The following LSM12 variants were observed in gnomAD, a reference collection of about 807,000 sequenced individuals.
LSM12 encodes protein LSM12.
For missense variants in LSM12, 108 were observed against 238.9 expected (o/e 0.45, Z 3.61); for synonymous variants, 74 against 87.3 (o/e 0.85, Z 0.85).
intron 2 of LSM12, among the ~76,000 whole-genome samples, chr17:44,046,709 CAAAA>C (rs542504532): frequency 2.3e-5 from 1 of 42,690 alleles, no homozygotes; most frequent in Non-Finnish European, 4.4e-5. Context: ...GACTCCGTCT[CAAAA>C]AAAAAAAAAA....
chr17:44,063,170 G>A lies in LSM12; in HGVS notation c.258+631C>T, dbSNP rs183975528. Among the ~76,000 whole-genome samples the A allele has an allele frequency of 2.3e-3, 351 of 152,154 alleles. 1 individual carries two copies. Among genetic ancestry groups the A allele is most frequent in the Non-Finnish European group, 3.1e-3 (208 of 67,986 alleles). On this transcript the variant is annotated intron_variant, in intron 2 of 4. Coordinates refer to ENST00000293406, the MANE Select transcript of LSM12 (RefSeq NM_001371445.1). ...AGCTACTCAGAAGGCCGAGGCAGGAGGGTCACTTGAGCCCAGGCGTTCAAG... is the reference window on the plus strand; with the variant it reads ...AGCTACTCAGAAGGCCGAGGCAGGAAGGTCACTTGAGCCCAGGCGTTCAAG...
chr17:44,054,274 T>C (rs1020993797), intron 2 of LSM12, among the ~76,000 whole-genome samples: 2 of 152,160 alleles, frequency 1.3e-5, no homozygotes, highest in Non-Finnish European at 2.9e-5. Context: ...ACCCCAAAGA[T>C]TGAATGCCAC....
intron 4 of LSM12, 46 bp from the exon 5 acceptor site, chr17:44,036,346 A>G (rs1276689959): frequency 3.1e-6 from 5 of 1,612,090 alleles, no homozygotes; most frequent in Non-Finnish European, 3.4e-6. Flanking sequence ...GATGCGGAAG[A>G]AAGGTCTCCC....
At chr17:44,067,255 G>A (rs1360421583), upstream of LSM12, among the ~76,000 whole-genome samples, 1 of 152,232 alleles carries the variant, frequency 6.6e-6, no homozygotes, top group African/African-American at 2.4e-5. Flanking sequence ...AGCCAAGATT[G>A]TGCCACTGCA....
chr17:44,063,161 G>A (rs778608400), intron 2 of LSM12, among the ~76,000 whole-genome samples: 1 of 152,114 alleles, frequency 6.6e-6, no homozygotes, highest in Non-Finnish European at 1.5e-5. Flanking sequence ...TCAGAAGGCC[G>A]AGGCAGGAGG....
At chr17:44,048,110 T>A (rs970093970) in intron 2 of LSM12, among the ~76,000 whole-genome samples, 1 of 151,710 alleles carries the variant, frequency 6.6e-6, no homozygotes, top group Non-Finnish European at 1.5e-5. Flanking sequence ...AAGTGCTCTG[T>A]AAGATGTATG....
chr17:44,066,627 A>G lies in LSM12; in HGVS notation c.-40T>C, dbSNP rs776435226. On this transcript the variant is annotated 5_prime_UTR_variant, in exon 1 of 5. Coordinates refer to ENST00000293406, the MANE Select transcript of LSM12 (RefSeq NM_001371445.1). ...CGCGGCCGGCGGCGGCGGCGGCAGC[A>G]GCGGGCGAAAGCCGGGCCCCCAGTG... 3 of 1,307,938 alleles carry G rather than the reference A, an allele frequency of 2.3e-6. No individual in the cohort carries two copies. The highest frequency in any genetic ancestry group is 3.1e-5 in the African/African-American group (2 of 64,312). The allele number at this position is 1,307,938 out of a possible 1,614,324, so 81.0% of individuals were successfully genotyped here. A position where few individuals can be genotyped will look rare whatever the true frequency, so the allele number is the denominator to read the frequency against.
intron 3 of LSM12, 122 bp from the exon 4 acceptor site, chr17:44,037,660 C>A (rs538606251): frequency 1.6e-6 from 2 of 1,222,950 alleles, no homozygotes; most frequent in Non-Finnish European, 2.2e-6. Context: ...CAGCCAACAA[C>A]TAGATGCCAG....
intron 2 of LSM12, among the ~76,000 whole-genome samples, chr17:44,050,549 G>A (rs944458366): frequency 6.7e-5 from 10 of 149,644 alleles, no homozygotes; most frequent in African/African-American, 2.5e-4. Flanking sequence ...GTCTCGCTCT[G>A]TTGCCCAGGC....
chr17:44,063,495 C>T (rs892431426), intron 2 of LSM12, among the ~76,000 whole-genome samples: 2 of 152,016 alleles, frequency 1.3e-5, no homozygotes, highest in African/African-American at 4.8e-5. Flanking sequence ...TCATAGGTAA[C>T]GCCACCACCC....
intron 2 of LSM12, among the ~76,000 whole-genome samples, chr17:44,042,334 T>C (rs995761433): frequency 6.6e-6 from 1 of 152,072 alleles, no homozygotes; most frequent in African/African-American, 2.4e-5. Flanking sequence ...CAAAAGTACC[T>C]TAATGCTTGG....
At chr17:44,056,473 T>C (rs1423677878) in intron 2 of LSM12, among the ~76,000 whole-genome samples, 3 of 151,870 alleles carry the variant, frequency 2.0e-5, no homozygotes, top group Non-Finnish European at 4.4e-5. Flanking sequence ...TTTTTTTTAA[T>C]TAGCTGGACG....
chr17:44,061,438 G>C (rs1323798014), intron 2 of LSM12, among the ~76,000 whole-genome samples: 2 of 151,964 alleles, frequency 1.3e-5, no homozygotes, highest in Non-Finnish European at 2.9e-5. Context: ...ACTAAGCCAA[G>C]GTTTCAAAAA....
At chr17:44,037,058 C>G (rs1024936139) in intron 4 of LSM12, 1 of 159,658 alleles carries the variant, frequency 6.3e-6, no homozygotes, top group African/African-American at 2.4e-5. Context: ...GAGCTGAGAT[C>G]GCGCCACTGC....
intron 1 of LSM12, among the ~76,000 whole-genome samples, chr17:44,064,670 T>G (rs1157111559): frequency 6.7e-6 from 1 of 149,932 alleles, no homozygotes; most frequent in Non-Finnish European, 1.5e-5. Context: ...GAGGCGGAGG[T>G]TGCAGTGAGC....
chr17:44,063,651 C>T, intron 2 of LSM12, 150 bp downstream of exon 2: 1 of 940,990 alleles, frequency 1.1e-6, no homozygotes, highest in Non-Finnish European at 1.5e-6. Flanking sequence ...AAGAGAAAAA[C>T]TAAACCTACA....
At position 44,061,621 on chromosome 17, in the gene LSM12, T is replaced by C. The variant is rs1268168102; in HGVS notation, c.258+2180A>G. Among the ~76,000 whole-genome samples the C allele has an allele frequency of 3.3e-5, 5 of 152,202 alleles. No individual in the cohort carries two copies. The South Asian group carries it at 8.3e-4, about 25-fold the overall frequency. ...CGACATTCACTAGCCTCAGCATCAG[T>C]TACCCTCTATTATTTTAGTTGCCTA... On this transcript the variant is annotated intron_variant, in intron 2 of 4. Coordinates refer to ENST00000293406, the MANE Select transcript of LSM12 (RefSeq NM_001371445.1).
In LSM12 at chr17:44,059,790, C is replaced by T. The variant is rs527892556; in HGVS notation, c.258+4011G>A. ...TGCTAGGTCAGAGTCAACAAATATCCGGTTTTTATCAACAGGTTTAATTAA... is the reference window on the plus strand; with the variant it reads ...TGCTAGGTCAGAGTCAACAAATATCTGGTTTTTATCAACAGGTTTAATTAA... On this transcript the variant is annotated intron_variant, in intron 2 of 4. Coordinates refer to ENST00000293406, the MANE Select transcript of LSM12 (RefSeq NM_001371445.1). Among the ~76,000 whole-genome samples the T allele has an allele frequency of 4.6e-5, 7 of 152,224 alleles. No individual in the cohort carries two copies. In the South Asian group the frequency reaches 1.0e-3, roughly 23 times the overall value.
At chr17:44,057,293 G>A (rs961766928) in intron 2 of LSM12, among the ~76,000 whole-genome samples, 22 of 150,350 alleles carry the variant, frequency 1.5e-4, no homozygotes, top group African/African-American at 5.3e-4. Flanking sequence ...GGGACTACAG[G>A]CACATGCCAC....
Sources: gnomAD v4.1 joint callset for allele counts (sites outside exome capture counted in the v4.1 genomes callset) on GRCh38, gnomAD v4.1.1 for gene constraint, MANE v1.5 for transcripts, NCBI Gene and HGNC (gene_info 2026-07-23, HGNC 2026-07-21) for gene names.